GRIN2A: variants seen among roughly 807,000 people sequenced by gnomAD.
The protein encoded by GRIN2A is glutamate receptor ionotropic, NMDA 2A.
GRIN2A carries 22 observed loss-of-function variants against 113.4 expected under a neutral mutation model. That is an observed-to-expected ratio of 0.19 (90% CI 0.14 to 0.28). GRIN2A has a LOEUF of 0.28. Ranked by LOEUF, GRIN2A falls within the 10% of genes least tolerant of loss-of-function variation. GRIN2A has a pLI of 1.00. For missense variants in GRIN2A, 1,502 were observed against 1,887.0 expected (o/e 0.80, Z 3.78); for synonymous variants, 827 against 738.4 (o/e 1.12, Z -1.94).
At chr16:10,095,138 A>G (rs2048262824) in intron 2 of GRIN2A, among the ~76,000 whole-genome samples, 1 of 152,200 alleles carries the variant, frequency 6.6e-6, no homozygotes, top group African/African-American at 2.4e-5. Context: ...CCATATGAGC[A>G]CACAGAGAGA....
chr16:10,100,571 A>G (rs1338518116), intron 2 of GRIN2A, among the ~76,000 whole-genome samples: 1 of 152,222 alleles, frequency 6.6e-6, no homozygotes, highest in Non-Finnish European at 1.5e-5. Context: ...CATCCTGATG[A>G]TTCAATAAAC....
At chr16:10,090,386 C>T (rs1331611497) in intron 2 of GRIN2A, among the ~76,000 whole-genome samples, 1 of 152,048 alleles carries the variant, frequency 6.6e-6, no homozygotes, top group Non-Finnish European at 1.5e-5. Context: ...TAAGCTCTGA[C>T]ACTGTCAATT....
At chr16:9,845,620 G>T (rs13330721) in intron 5 of GRIN2A, among the ~76,000 whole-genome samples, 4,169 of 152,162 alleles carry the variant, frequency 0.027, 188 homozygotes, top group African/African-American at 0.095. Context: ...ACTGCACTGG[G>T]TTTCATTCCG....
intron 2 of GRIN2A, among the ~76,000 whole-genome samples, chr16:10,038,505 C>T (rs2047077113): frequency 6.6e-6 from 1 of 151,962 alleles, no homozygotes; most frequent in Admixed American, 6.6e-5. Context: ...CTACTAGATG[C>T]CAGTAGCAAC....
intron 2 of GRIN2A, among the ~76,000 whole-genome samples, chr16:9,954,890 ATGTT>A (rs1193828207): frequency 8.5e-5 from 13 of 152,140 alleles, no homozygotes; most frequent in African/African-American, 3.1e-4. Context: ...AGCGTCCTTT[ATGTT>A]CATTATGTTG....
intron 2 of GRIN2A, among the ~76,000 whole-genome samples, chr16:10,034,723 C>G (rs1328495436): frequency 3.3e-5 from 5 of 152,000 alleles, no homozygotes; most frequent in African/African-American, 4.8e-5. Context: ...CCTTGGCTTT[C>G]TTAAAGATTC....
At chr16:9,805,929 C>A (rs1438267391) in intron 10 of GRIN2A, among the ~76,000 whole-genome samples, 1 of 152,196 alleles carries the variant, frequency 6.6e-6, no homozygotes, top group East Asian at 1.9e-4. Context: ...TACCTGCCAT[C>A]AGCACAGAAT....
intron 2 of GRIN2A, among the ~76,000 whole-genome samples, chr16:10,167,554 GA>G (rs2049949813): frequency 6.6e-6 from 1 of 152,054 alleles, no homozygotes; most frequent in Non-Finnish European, 1.5e-5. Flanking sequence ...CAAACAGAAA[GA>G]AATTTCCATT....
rs144562856 is a variant in GRIN2A at position 10,160,711 on chromosome 16, T to C, written c.414+19287A>G. Among the ~76,000 whole-genome samples the C allele has an allele frequency of 3.6e-4, 55 of 152,354 alleles. No individual in the cohort carries two copies. In the East Asian group the frequency reaches 0.01, roughly 29 times the overall value. The stretch of plus-strand genomic sequence containing the variant: ...TTGACCGTAAAAGTTAACAGATTTG[T>C]TTAAGAAACAAAACTTGATCTCAAT... On this transcript the variant is annotated intron_variant, in intron 2 of 12. Coordinates refer to ENST00000330684, the MANE Select transcript of GRIN2A (RefSeq NM_001134407.3).
At chr16:9,854,689 C>T (rs1041392960) in intron 4 of GRIN2A, among the ~76,000 whole-genome samples, 1 of 152,122 alleles carries the variant, frequency 6.6e-6, no homozygotes, top group Non-Finnish European at 1.5e-5. Context: ...AAAGTGAACA[C>T]CACACTCAGC....
chr16:9,837,137 T>A (rs1004449106), intron 7 of GRIN2A, among the ~76,000 whole-genome samples: 5 of 152,168 alleles, frequency 3.3e-5, no homozygotes, highest in African/African-American at 9.6e-5. Context: ...AGCCAGTGAA[T>A]GGAAAAATGT....
intron 2 of GRIN2A, among the ~76,000 whole-genome samples, chr16:9,970,386 T>C (rs1267430554): frequency 1.3e-5 from 2 of 152,204 alleles, no homozygotes; most frequent in African/African-American, 4.8e-5. Flanking sequence ...CTAGAGAGAC[T>C]GGAGTAGAGA....
intron 7 of GRIN2A, among the ~76,000 whole-genome samples, chr16:9,835,339 G>T (rs957318435): frequency 2.6e-5 from 4 of 152,164 alleles, no homozygotes; most frequent in Non-Finnish European, 4.4e-5. Context: ...TGTAACTTAG[G>T]CAGTAGGTGG....
chr16:9,896,499 G>A (rs980755400), intron 3 of GRIN2A, among the ~76,000 whole-genome samples: 5 of 152,182 alleles, frequency 3.3e-5, no homozygotes, highest in African/African-American at 1.2e-4. Flanking sequence ...GATGGAATTA[G>A]CAGAGTGATT....
chr16:9,980,550 C>A (rs1191770889), intron 2 of GRIN2A, among the ~76,000 whole-genome samples: 3 of 151,960 alleles, frequency 2.0e-5, no homozygotes, highest in Non-Finnish European at 4.4e-5. Context: ...ATGTTTACTG[C>A]GGTACTATTC....
At chr16:10,176,426 A>G (rs2050149624) in intron 2 of GRIN2A, among the ~76,000 whole-genome samples, 1 of 152,162 alleles carries the variant, frequency 6.6e-6, no homozygotes, top group Non-Finnish European at 1.5e-5. Context: ...ATGACATTTC[A>G]ATTGTTATAA....
chr16:9,955,182 C>T (rs570528579), intron 2 of GRIN2A, among the ~76,000 whole-genome samples: 1 of 152,172 alleles, frequency 6.6e-6, no homozygotes, highest in Non-Finnish European at 1.5e-5. Context: ...AGGACAAATA[C>T]CACAAATCAC....
chr16:9,976,663 A>G (rs2045778808), intron 2 of GRIN2A, among the ~76,000 whole-genome samples: 2 of 152,216 alleles, frequency 1.3e-5, no homozygotes, highest in South Asian at 2.1e-4. Flanking sequence ...TAATACCATC[A>G]GTGGAATTAA....
Position 10,106,933 on chromosome 16 carries a change from C to A in GRIN2A, c.414+73065G>T, listed in dbSNP as rs117897524. 5.3e-5 allele frequency among the ~76,000 whole-genome samples: 8 copies of A among 152,216 alleles called. No individual in the cohort carries two copies. The East Asian group carries it at 1.5e-3, about 29-fold the overall frequency. On this transcript the variant is annotated intron_variant, in intron 2 of 12. Coordinates refer to ENST00000330684, the MANE Select transcript of GRIN2A (RefSeq NM_001134407.3). Reference sequence around the variant, plus strand: ...CCAGAATAGACATTGCCATTACCTCCATTTTCAGAGGAAGAAACTAAGACA... The same window carrying A: ...CCAGAATAGACATTGCCATTACCTCAATTTTCAGAGGAAGAAACTAAGACA...
Sources: allele counts gnomAD v4.1 joint callset (sites outside exome capture counted in the v4.1 genomes callset), GRCh38; gene constraint gnomAD v4.1.1; transcripts MANE v1.5; gene names NCBI Gene and HGNC (gene_info 2026-07-23, HGNC 2026-07-21).